Variants in LRFN1 observed in about 807,000 individuals in gnomAD.
LRFN1 encodes leucine-rich repeat and fibronectin type III domain-containing protein 1.
Under a neutral mutation model 31.8 loss-of-function variants are expected in LRFN1, and 20 were observed. The ratio of observed to expected loss-of-function variants is 0.63; its 90% CI spans 0.44 to 0.91. The LOEUF (loss-of-function observed/expected upper bound fraction) is 0.91, where lower values mean the gene tolerates loss of function less well. Among genes scored for constraint, LRFN1 ranks in the 40% least tolerant of loss-of-function variants. The pLI is 0.00. For synonymous variants in LRFN1, 514 were observed against 541.3 expected (o/e 0.95, Z 0.70); for missense variants, 912 against 1,129.8 (o/e 0.81, Z 2.76).
chr19:39,317,928 G>A (rs1160815653), intron 2 of LRFN1, among the ~76,000 whole-genome samples: 4 of 152,050 alleles, frequency 2.6e-5, no homozygotes, highest in South Asian at 2.1e-4. Context: ...CCATGCACAC[G>A]CACATACAAA....
intron 4 of LRFN1, among the ~76,000 whole-genome samples, chr19:39,310,843 C>T (rs530360461): frequency 6.6e-6 from 1 of 152,276 alleles, no homozygotes; most frequent in South Asian, 2.1e-4. Context: ...CCAGGAGGTT[C>T]TCCCACTACC....
chr19:39,311,954 C>T (rs1349674489), intron 4 of LRFN1, among the ~76,000 whole-genome samples: 2 of 149,920 alleles, frequency 1.3e-5, no homozygotes, highest in Non-Finnish European at 2.9e-5. Context: ...ACTGCAACCT[C>T]CGCCTCCCAG....
At chr19:39,312,509 A>C (rs951856591) in intron 4 of LRFN1, among the ~76,000 whole-genome samples, 1 of 152,088 alleles carries the variant, frequency 6.6e-6, no homozygotes, top group Admixed American at 6.5e-5. Flanking sequence ...ATACTAAAAA[A>C]CTACCAAGAT....
At position 39,307,429 on chromosome 19, in the gene LRFN1, G is replaced by A; in HGVS notation, c.*204C>T. The A allele has an allele frequency of 2.1e-6, 1 of 478,520 alleles. No homozygotes were observed. The highest frequency in any genetic ancestry group is 5.7e-5 in the South Asian group (1 of 17,674). The allele number at this position is 478,520 out of a possible 1,614,324, so 29.6% of individuals were successfully genotyped here. On this transcript the variant is annotated 3_prime_UTR_variant, in exon 5 of 5. Coordinates refer to ENST00000248668, the MANE Select transcript of LRFN1 (RefSeq NM_020862.2). This position sits in a 1 kb window ranked among gnomAD's most constrained non-coding sequence, Gnocchi z 6.7. ...GTCCATAGGGGAAGGGAGGCCGGCA[G>A]CCGGTCCCCGAACCCCGCCCTGGGC...
rs186240100 is a variant in LRFN1, at chr19:39,308,970, G to A, written c.1407-428C>T. On this transcript the variant is annotated intron_variant, in intron 4 of 4. Transcript: ENST00000248668. This position sits in a 1 kb window ranked among gnomAD's most constrained non-coding sequence, Gnocchi z 6.2. ...ACCCCAAAACTGGGCCAACGCTACTGGCCACCTCCCCTTTTCTGCATGCCC... is the reference window on the plus strand; with the variant it reads ...ACCCCAAAACTGGGCCAACGCTACTAGCCACCTCCCCTTTTCTGCATGCCC... 1.3e-5 allele frequency among the ~76,000 whole-genome samples: 2 copies of A among 152,212 alleles called. No individual in the cohort carries two copies. Among genetic ancestry groups the A allele is most frequent in the African/African-American group, 4.8e-5 (2 of 41,518 alleles).
In LRFN1 at chr19:39,307,605, C is replaced by T. The variant is rs1354828561; in HGVS notation, c.*28G>A. The T allele has an allele frequency of 8.0e-6, 11 of 1,379,720 alleles. No homozygotes were observed. Among genetic ancestry groups the T allele is most frequent in the Admixed American group, 3.7e-5 (1 of 27,102 alleles). 85.5% of individuals were successfully genotyped at this position (1,379,720 alleles called of 1,614,324 possible). On this transcript the variant is annotated 3_prime_UTR_variant, in exon 5 of 5. Coordinates refer to ENST00000248668, the MANE Select transcript of LRFN1 (RefSeq NM_020862.2). This position sits in a 1 kb window ranked among gnomAD's most constrained non-coding sequence, Gnocchi z 6.7. The stretch of plus-strand genomic sequence containing the variant: ...GCGGCTGGGCGTTTGGTCTGCGGCA[C>T]CCAGGCGTCCCGGCGCCCGCCCGCC...
chr19:39,309,235 C>T (rs920696109), intron 4 of LRFN1, among the ~76,000 whole-genome samples: 15 of 152,090 alleles, frequency 9.9e-5, no homozygotes, highest in African/African-American at 3.6e-4. Context: ...AAGGGTGGAT[C>T]ACCTGAGGTT....
Position 39,314,403 on chromosome 19 carries a change from C to G in LRFN1, c.934G>C (p.Val312Leu), listed in dbSNP as rs1465399703. 1 of 1,600,964 alleles carries G rather than the reference C, an allele frequency of 6.2e-7. No individual in the cohort carries two copies. The highest frequency in any genetic ancestry group is 1.1e-5 in the South Asian group (1 of 89,132). Reference sequence around the variant, plus strand: ...CGCAGGCTCACCGCCTGGCCTTCCACCACCAGGGCCCGGCCCCCCGCCTGC... The same window carrying G: ...CGCAGGCTCACCGCCTGGCCTTCCAGCACCAGGGCCCGGCCCCCCGCCTGC... ...TRQAGGRALV[V>L]EGQAVSLRCR... The change falls in exon 4 of 5, where the codon GTG becomes CTG. Residue 312 changes from valine (V) to leucine (L), a missense_variant. Val to Leu is a conservative substitution (Grantham distance 32). Around this residue, in one of 2 missense-constraint regions of LRFN1, gnomAD observed 401 missense variants for 572.7 expected, o/e 0.70. Transcript: ENST00000248668.
intron 2 of LRFN1, among the ~76,000 whole-genome samples, chr19:39,317,523 G>GA (rs1187155396): frequency 1.3e-5 from 2 of 152,132 alleles, no homozygotes; most frequent in Admixed American, 1.3e-4. Flanking sequence ...GCTGGGGTAG[G>GA]ACTCAAATGG....
At position 39,306,730 on chromosome 19, in the gene LRFN1, AACACACACACACACACACACACACAC is replaced by A. The variant is rs58972296; in HGVS notation, c.*877_*902del. ...GCTGCAATCTAGGTCACCCTCCCCC[AACACACACACACACACACACACACAC>A]ACACACACACACACACTACACGCGG... On this transcript the variant is annotated 3_prime_UTR_variant, in exon 5 of 5. Coordinates refer to ENST00000248668, the MANE Select transcript of LRFN1 (RefSeq NM_020862.2). The A allele has an allele frequency of 7.4e-6, 1 of 134,768 alleles. No homozygotes were observed. The highest frequency in any genetic ancestry group is 1.6e-5 in the Non-Finnish European group (1 of 61,982). 8.3% of individuals were successfully genotyped at this position (134,768 alleles called of 1,614,324 possible).
chr19:39,320,109 C>G (rs1211098603), intron 1 of LRFN1, among the ~76,000 whole-genome samples: 5 of 149,678 alleles, frequency 3.3e-5, no homozygotes, highest in African/African-American at 7.4e-5. Context: ...ATCCCCCCCC[C>G]GCAACCACCG....
At chr19:39,313,015 G>T (rs1310189892) in intron 4 of LRFN1, among the ~76,000 whole-genome samples, 5 of 152,158 alleles carry the variant, frequency 3.3e-5, no homozygotes, top group South Asian at 2.1e-4. Context: ...AGAAGGTAGA[G>T]ACAGACAGAG....
chr19:39,316,392 A>G lies in LRFN1; in HGVS notation c.-92-256T>C, dbSNP rs143089544. 2.0e-4 allele frequency among the ~76,000 whole-genome samples: 30 copies of G among 152,294 alleles called. No homozygotes were observed. The East Asian group carries it at 5.0e-3, about 25-fold the overall frequency. ...TGCTAGCTCTGTGACCCCCAAGCCA[A>G]TGATTTCCCCTAGCTAGGCTGTAAT... On this transcript the variant is annotated intron_variant, in intron 2 of 4. Coordinates refer to ENST00000248668, the MANE Select transcript of LRFN1 (RefSeq NM_020862.2).
Position 39,315,144 on chromosome 19 carries a change from G to A in LRFN1, c.193C>T (p.Arg65Trp), listed in dbSNP as rs753811608. The A allele has an allele frequency of 4.4e-6, 7 of 1,591,110 alleles. No individual in the cohort carries two copies. The highest frequency in any genetic ancestry group is 1.3e-5 in the African/African-American group (1 of 74,722). ...GTGAGCCGCAGCTCCACCACGCGCC[G>A]GTCGATGGCGGGCGGCACAAAGAGC... is the stretch of plus-strand genomic sequence containing the variant. ...GLLFVPPAID[R>W]RVVELRLTDN... The change falls in exon 4 of 5, where the codon CGG (arginine) becomes TGG (tryptophan). Residue 65 changes from arginine (R) to tryptophan (W), a missense_variant. Physicochemically the swap from Arg to Trp is moderately radical, Grantham distance 101 (BLOSUM62 -3). Around this residue, in one of 2 missense-constraint regions of LRFN1, gnomAD observed 401 missense variants for 572.7 expected, o/e 0.70. Transcript: ENST00000248668. This position sits in a 1 kb window ranked among gnomAD's most constrained non-coding sequence, Gnocchi z 4.7.
chr19:39,310,894 C>A (rs1054958805), intron 4 of LRFN1, among the ~76,000 whole-genome samples: 15 of 152,154 alleles, frequency 9.9e-5, no homozygotes, highest in Admixed American at 6.5e-5. Flanking sequence ...ATCAGGGCCC[C>A]GCCCCTTCAT....
In LRFN1 at chr19:39,315,514, A is replaced by G. The variant is rs2075169344; in HGVS notation, c.-37-141T>C. The stretch of plus-strand genomic sequence containing the variant: ...TGAGAGGAAGCCACTATCAGCTATT[A>G]ACAACAGATTACAACACTTCCATGC... On this transcript the variant is annotated intron_variant, in intron 3 of 4. Transcript: ENST00000248668. The surrounding 1 kb of genome is among the most constrained non-coding windows in gnomAD (Gnocchi z 4.7). 1.7e-6 allele frequency: 1 copy of G among 576,808 alleles called. No individual in the cohort carries two copies. The highest frequency in any genetic ancestry group is 1.9e-5 in the African/African-American group (1 of 53,164). 35.7% of individuals were successfully genotyped at this position (576,808 alleles called of 1,614,324 possible).
chr19:39,319,245 G>A (rs985389762), intron 1 of LRFN1, among the ~76,000 whole-genome samples: 2 of 152,100 alleles, frequency 1.3e-5, no homozygotes, highest in Admixed American at 6.5e-5. Flanking sequence ...CAGACAACCA[G>A]GTACATGCAT....
chr19:39,308,303 A>T lies in LRFN1; in HGVS notation c.1646T>A (p.Leu549His), dbSNP rs756674066. 1.9e-6 allele frequency: 3 copies of T among 1,613,332 alleles called. No individual in the cohort carries two copies. Among genetic ancestry groups the T allele is most frequent in the Non-Finnish European group, 2.5e-6 (3 of 1,179,696 alleles). ...GATCATGAGCAGAACGATGAAGACG[A>T]GGACCGAGGCGACGATGACGCCCCC... ...AIGGVIVASV[L>H]VFIVLLMIRY... The change falls in exon 5 of 5, where the codon CTC (leucine) becomes CAC (histidine). Residue 549 changes from leucine to histidine, a missense_variant. Transcript: ENST00000248668. This position sits in a 1 kb window ranked among gnomAD's most constrained non-coding sequence, Gnocchi z 6.2.
chr19:39,314,852 G>A lies in LRFN1; in HGVS notation c.485C>T (p.Ser162Phe), dbSNP rs934524552. 3.1e-6 allele frequency: 5 copies of A among 1,611,856 alleles called. No individual in the cohort carries two copies. The highest frequency in any genetic ancestry group is 4.2e-6 in the Non-Finnish European group (5 of 1,179,036). Residue 162 changes from serine (S) to phenylalanine (F), a missense_variant, in exon 4 of 5, where the codon TCC becomes TTC. This residue lies in a region of LRFN1 where 401 missense variants were observed against 572.7 expected (regional missense o/e 0.70). Transcript: ENST00000248668. Reference protein sequence around the residue: ...VESAAFDAFLSTVEDLDLSYN... With the variant: ...VESAAFDAFLFTVEDLDLSYN... ...GGACAGATCCAGGTCCTCCACGGTG[G>A]ACAGGAAGGCGTCAAAGGCCGCCGA...
Sources: allele counts gnomAD v4.1 joint callset (sites outside exome capture counted in the v4.1 genomes callset), GRCh38; gene constraint gnomAD v4.1.1; regional missense constraint gnomAD v4.1.1; non-coding constraint Gnocchi (gnomAD v3.1); transcripts MANE v1.5; gene names NCBI Gene and HGNC (gene_info 2026-07-23, HGNC 2026-07-21).